The following RSAD2 variants were observed in gnomAD, a reference collection of about 807,000 sequenced individuals.
RSAD2 encodes radical S-adenosyl methionine domain containing 2.
In RSAD2, 38 loss-of-function variants were observed where a neutral mutation model predicts 37.7. That is an observed-to-expected ratio of 1.01 (90% CI 0.78 to 1.32). RSAD2 has a LOEUF of 1.32. RSAD2 is among the 40% of genes most tolerant of loss of function. The probability of loss-of-function intolerance (pLI) is 0.00; values close to 1 mark genes in which losing one functional copy is unlikely to be tolerated. For missense variants in RSAD2, 428 were observed against 437.5 expected, an observed-to-expected ratio of 0.98 and a Z score of 0.19; for synonymous variants, 163 against 157.4, an observed-to-expected ratio of 1.04 and a Z score of -0.27.
chr2:6,880,957 G>A (rs1045639874), intron 1 of RSAD2, among the ~76,000 whole-genome samples: 2 of 151,992 alleles, frequency 1.3e-5, no homozygotes, highest in South Asian at 4.1e-4. Context: ...TAAAAATAAT[G>A]AGCATCAGAT....
chr2:6,894,571 A>G (rs527826765), intron 5 of RSAD2, among the ~76,000 whole-genome samples: 45 of 152,188 alleles, frequency 3.0e-4, no homozygotes, highest in African/African-American at 1.1e-3. Flanking sequence ...GGCTCAGGTG[A>G]TCCTTCTGCC....
At chr2:6,881,117 G>T (rs1447938248) in intron 1 of RSAD2, among the ~76,000 whole-genome samples, 1 of 152,110 alleles carries the variant, frequency 6.6e-6, no homozygotes, top group Non-Finnish European at 1.5e-5. Context: ...ATTGTTAGCA[G>T]TTTTGTGCCA....
intron 3 of RSAD2, among the ~76,000 whole-genome samples, chr2:6,889,813 G>C (rs1295378208): frequency 6.6e-6 from 1 of 152,074 alleles, no homozygotes; most frequent in Non-Finnish European, 1.5e-5. Context: ...AGAAAACAAT[G>C]TTTTTAAAAT....
chr2:6,878,263 C>T (rs1649233153), intron 1 of RSAD2, 117 bp downstream of exon 1: 4 of 804,730 alleles, frequency 5.0e-6, no homozygotes, highest in Non-Finnish European at 7.8e-6. Flanking sequence ...TTGAGGTCAC[C>T]ATTTACCCTT....
rs1325960012 is a variant in RSAD2, at chr2:6,896,838, G to C, written c.*896G>C. 1 of 152,154 alleles carries C rather than the reference G, an allele frequency of 6.6e-6. No homozygotes were observed. Among genetic ancestry groups the C allele is most frequent in the Non-Finnish European group, 1.5e-5 (1 of 68,044 alleles). The allele number at this position is 152,154 out of a possible 1,614,324, so 9.4% of individuals were successfully genotyped here. On this transcript the variant is annotated 3_prime_UTR_variant, in exon 6 of 6. Coordinates refer to ENST00000382040, the MANE Select transcript of RSAD2 (RefSeq NM_080657.5). ...TTGACATGGAGGCAGTGCTTGCATTGCTTTGTTCGCCTATCATCTGGCCAC... is the reference window on the plus strand; with the variant it reads ...TTGACATGGAGGCAGTGCTTGCATTCCTTTGTTCGCCTATCATCTGGCCAC...
rs1442478073 is a variant in RSAD2, at chr2:6,871,891, A to C, written c.142+5846A>C. Reference sequence around the variant, plus strand: ...AGAATGGCTATGTCTTTGAGTTATCAGAAAAATATGCATATATTTAACATT... The same window carrying C: ...AGAATGGCTATGTCTTTGAGTTATCCGAAAAATATGCATATATTTAACATT... On this transcript the variant is annotated intron_variant, in intron 1 of 5. Transcript: ENST00000442639. Among the ~76,000 whole-genome samples the C allele has an allele frequency of 2.0e-5, 3 of 152,248 alleles. No homozygotes were observed. In the East Asian group the frequency reaches 5.8e-4, roughly 29 times the overall value.
chr2:6,889,123 C>T (rs1357120351), intron 3 of RSAD2, among the ~76,000 whole-genome samples: 1 of 152,120 alleles, frequency 6.6e-6, no homozygotes, highest in Non-Finnish European at 1.5e-5. Flanking sequence ...GAGTCAAAGT[C>T]CCTGGAAAAA....
chr2:6,881,679 G>A (rs1663405798), intron 1 of RSAD2, among the ~76,000 whole-genome samples: 1 of 151,612 alleles, frequency 6.6e-6, no homozygotes, highest in African/African-American at 2.4e-5. Flanking sequence ...GCAGGCAGGT[G>A]TATGACGCAC....
chr2:6,879,211 C>A (rs1663351971), intron 1 of RSAD2, among the ~76,000 whole-genome samples: 1 of 152,172 alleles, frequency 6.6e-6, no homozygotes, highest in Non-Finnish European at 1.5e-5. Context: ...ACTTCCCATT[C>A]CCAGTGTGGC....
intron 1 of RSAD2, among the ~76,000 whole-genome samples, chr2:6,869,881 C>T (rs528712382): frequency 5.9e-5 from 9 of 152,306 alleles, no homozygotes; most frequent in African/African-American, 2.2e-4. Flanking sequence ...AGAGGTCACA[C>T]GAGTACTGTG....
intron 2 of RSAD2, among the ~76,000 whole-genome samples, chr2:6,884,016 G>A (rs755920936): frequency 6.6e-6 from 1 of 152,160 alleles, no homozygotes; most frequent in Non-Finnish European, 1.5e-5. Context: ...GAGATTCCTC[G>A]CAGTTCAGTT....
chr2:6,874,655 A>G (rs1572152113), upstream of RSAD2, among the ~76,000 whole-genome samples: 1 of 149,298 alleles, frequency 6.7e-6, no homozygotes, highest in African/African-American at 2.5e-5. Context: ...GGATAACTTT[A>G]TGACTTTTAT....
chr2:6,895,703 G>T, intron 5 of RSAD2, 75 bp from the exon 6 acceptor site: 1 of 1,316,522 alleles, frequency 7.6e-7, no homozygotes, highest in Non-Finnish European at 1.1e-6. Flanking sequence ...AAGCTATTTG[G>T]GATTAATAGT....
intron 3 of RSAD2, among the ~76,000 whole-genome samples, chr2:6,887,873 T>G (rs1156403059): frequency 1.3e-5 from 2 of 152,166 alleles, no homozygotes; most frequent in Admixed American, 6.5e-5. Flanking sequence ...TAACAAGCAG[T>G]CCAGGTGCAA....
At position 6,878,118 on chromosome 2, in the gene RSAD2, G is replaced by A. The variant is rs367632922; in HGVS notation, c.318G>A (p.Lys106=). The change falls in exon 1 of 6, where the codon AAG becomes AAA. Residue 106 remains lysine (K), a synonymous_variant. Transcript: ENST00000382040. ...TSFVLPLEEA[K]RGLLLLKEAG... Reference sequence around the variant, plus strand: ...TTGTGCTGCCCCTTGAGGAAGCAAAGAGAGGATTGCTTTTGCTTAAGGAAG... The same window carrying A: ...TTGTGCTGCCCCTTGAGGAAGCAAAAAGAGGATTGCTTTTGCTTAAGGAAG... 3.2e-5 allele frequency: 51 copies of A among 1,613,940 alleles called. No homozygotes were observed. The highest frequency in any genetic ancestry group is 3.8e-5 in the Non-Finnish European group (45 of 1,179,986).
At chr2:6,870,704 G>A (rs899435555) in intron 1 of RSAD2, among the ~76,000 whole-genome samples, 7 of 152,182 alleles carry the variant, frequency 4.6e-5, no homozygotes, top group Admixed American at 6.5e-5. Flanking sequence ...CCATCCAGAC[G>A]CTGGAGAGGA....
intron 1 of RSAD2, among the ~76,000 whole-genome samples, chr2:6,869,227 T>A (rs1049801422): frequency 6.6e-6 from 1 of 152,188 alleles, no homozygotes; most frequent in Non-Finnish European, 1.5e-5. Context: ...CTTACACCTT[T>A]TTCCTATTGT....
intron 1 of RSAD2, among the ~76,000 whole-genome samples, chr2:6,880,269 T>G (rs1663372212): frequency 6.6e-6 from 1 of 152,198 alleles, no homozygotes; most frequent in African/African-American, 2.4e-5. Flanking sequence ...AGGACAGGTT[T>G]ATTTTAGAGA....
intron 1 of RSAD2, among the ~76,000 whole-genome samples, chr2:6,882,969 AG>A (rs142254737): frequency 0.06 from 9,068 of 152,310 alleles, 362 homozygotes; most frequent in Non-Finnish European, 0.088. Flanking sequence ...GTAGCCCAAG[AG>A]GGTGGGCGAT....
Sources: gnomAD v4.1 joint callset for allele counts (sites outside exome capture counted in the v4.1 genomes callset) on GRCh38, gnomAD v4.1.1 for gene constraint, MANE v1.5 for transcripts, NCBI Gene and HGNC (gene_info 2026-07-23, HGNC 2026-07-21) for gene names.